The following ZNF385C variants were observed in gnomAD, a reference collection of about 807,000 sequenced individuals.
ZNF385C encodes the protein CTD-2132N18.2.
In ZNF385C, 28 loss-of-function variants were observed where a neutral mutation model predicts 35.4. The observed-to-expected ratio is 0.79, with a 90% CI of 0.59 to 1.08. ZNF385C has a LOEUF of 1.08. ZNF385C is among the 50% of genes least tolerant of loss of function. ZNF385C has a pLI of 0.00. For missense variants in ZNF385C, 605 were observed against 595.6 expected, an observed-to-expected ratio of 1.02 and a Z score of -0.16; for synonymous variants, 248 against 248.2, an observed-to-expected ratio of 1.00 and a Z score of 0.01.
Position 42,028,935 on chromosome 17 carries a change from T to C in ZNF385C, c.815A>G (p.Glu272Gly), listed in dbSNP as rs2052663878. ...AGGCCCCGGTGCCTCTCTCCCAGGC[T>C]CTGGGGAGCAAGGTGGGCAGGAGGA... ...SSSSCPPCSP[E>G]PGREAPGPEP... Residue 272 changes from glutamate to glycine, a missense_variant, in exon 6 of 9, where the codon GAG becomes GGG. Transcript: ENST00000692273. 1.3e-6 allele frequency: 2 copies of C among 1,550,534 alleles called. No individual in the cohort carries two copies.
At chr17:42,036,899 C>A (rs1244154659) in intron 3 of ZNF385C, among the ~76,000 whole-genome samples, 9 of 152,158 alleles carry the variant, frequency 5.9e-5, no homozygotes, top group African/African-American at 1.9e-4. Context: ...CCACCATCTG[C>A]TCAGGATGGG....
At chr17:42,073,446 G>A (rs1555659028) in intron 1 of ZNF385C, among the ~76,000 whole-genome samples, 1 of 151,774 alleles carries the variant, frequency 6.6e-6, no homozygotes, top group Non-Finnish European at 1.5e-5. Flanking sequence ...AAAAAAAAAA[G>A]GTTGTGGACC....
chr17:42,078,239 G>A (rs2053705893), intron 1 of ZNF385C, among the ~76,000 whole-genome samples: 1 of 152,072 alleles, frequency 6.6e-6, no homozygotes, highest in Admixed American at 6.5e-5. Context: ...CCCTGGCTGG[G>A]CTGATTTTCT....
At chr17:42,086,890 G>A (rs1172826250) in intron 1 of ZNF385C, among the ~76,000 whole-genome samples, 3 of 145,050 alleles carry the variant, frequency 2.1e-5, no homozygotes, top group African/African-American at 7.7e-5. Context: ...GTGCAGTGGC[G>A]TGATCTTGGC....
Position 42,037,778 on chromosome 17 carries a change from T to C in ZNF385C, c.358A>G (p.Asn120Asp). ...DFKHLLAFHF[N>D]GAAPLSLFPN... ...AAGAGACTGAGCGGGGCAGCGCCAT[T>C]GAAGTGGAAGGCGAGCAAGTGCTTG... The change falls in exon 3 of 9, where the codon AAT (asparagine) becomes GAT (aspartate). Residue 120 changes from asparagine to aspartate, a missense_variant. Transcript: ENST00000692273. 1 of 1,536,618 alleles carries C rather than the reference T, an allele frequency of 6.5e-7. No individual in the cohort carries two copies. The highest frequency in any genetic ancestry group is 8.8e-7 in the Non-Finnish European group (1 of 1,140,658).
chr17:42,046,571 G>T (rs1555656639), intron 2 of ZNF385C, among the ~76,000 whole-genome samples: 1 of 151,974 alleles, frequency 6.6e-6, no homozygotes, highest in East Asian at 1.9e-4. Flanking sequence ...CTGCACTCCA[G>T]CCTGGGAAAA....
In ZNF385C at chr17:42,029,955, G is replaced by C. The variant is rs782022473; in HGVS notation, c.677-882C>G. Among the ~76,000 whole-genome samples, 2 of 149,406 alleles carry C rather than the reference G, an allele frequency of 1.3e-5. 1 individual carries two copies. Among genetic ancestry groups the C allele is most frequent in the South Asian group, 4.3e-4 (2 of 4,688 alleles). On this transcript the variant is annotated intron_variant, in intron 5 of 8. Transcript: ENST00000692273. ...AGGCTGAGGCAGGAGAATCGCTTGA[G>C]AGCCAGGGAGGTGGATGAGCCTAGG...
intron 2 of ZNF385C, among the ~76,000 whole-genome samples, chr17:42,059,488 C>T (rs1423940998): frequency 2.6e-5 from 4 of 152,184 alleles, no homozygotes; most frequent in African/African-American, 9.7e-5. Flanking sequence ...CCCACGCCCC[C>T]GTTCTGACCC....
At chr17:42,083,707 CTT>C (rs59612634) in intron 1 of ZNF385C, among the ~76,000 whole-genome samples, 9 of 49,966 alleles carry the variant, frequency 1.8e-4, no homozygotes, top group African/African-American at 7.7e-4. Flanking sequence ...CTTTTCAAGT[CTT>C]TTTTTTTTTT....
At position 42,063,052 on chromosome 17, in the gene ZNF385C, T is replaced by C. The variant is rs1301977989; in HGVS notation, c.5A>G (p.Lys2Arg). The part of the protein sequence containing the change: M[K>R]RPLSPPPPAE... ...CGGTGGGGGTGGGCTCAGTGGCCGC[T>C]TCATATCTGAGTGGATAGAGAGGGA... Residue 2 changes from lysine to arginine, a missense_variant, in exon 2 of 9, where the codon AAG becomes AGG. Physicochemically the swap from Lys to Arg is conservative, Grantham distance 26. Transcript: ENST00000692273. 1.1e-5 allele frequency: 7 copies of C among 639,282 alleles called. No homozygotes were observed. Among genetic ancestry groups the C allele is most frequent in the South Asian group, 1.8e-5 (1 of 56,864 alleles). The allele number at this position is 639,282 out of a possible 1,614,324, so 39.6% of individuals were successfully genotyped here. A position where few individuals can be genotyped will look rare whatever the true frequency, so the allele number is the denominator to read the frequency against.
intron 1 of ZNF385C, among the ~76,000 whole-genome samples, chr17:42,089,270 C>G (rs888158290): frequency 6.6e-6 from 1 of 152,004 alleles, no homozygotes; most frequent in Non-Finnish European, 1.5e-5. Context: ...GAGCCGTGAT[C>G]ACACCACCAC....
intron 2 of ZNF385C, among the ~76,000 whole-genome samples, chr17:42,041,853 G>C (rs145573097): frequency 6.6e-4 from 101 of 152,258 alleles, no homozygotes; most frequent in Non-Finnish European, 1.1e-3. Context: ...GGGGCCATGT[G>C]AGTGATATTG....
chr17:42,038,564 G>A (rs1172238509), intron 2 of ZNF385C: 1 of 153,126 alleles, frequency 6.5e-6, no homozygotes, highest in African/African-American at 2.4e-5. Context: ...GGCAGGGGAG[G>A]GGTAGGAACT....
chr17:42,048,646 C>T (rs1233453548), intron 2 of ZNF385C, among the ~76,000 whole-genome samples: 5 of 152,172 alleles, frequency 3.3e-5, no homozygotes, highest in African/African-American at 7.2e-5. Flanking sequence ...CAGAAACCTG[C>T]CCTTCAATCC....
At chr17:42,092,820 G>A (rs537003802) in intron 1 of ZNF385C, among the ~76,000 whole-genome samples, 1 of 152,344 alleles carries the variant, frequency 6.6e-6, no homozygotes, top group East Asian at 1.9e-4. Context: ...GGGCTGGGGA[G>A]GGGGTCAGCT....
intron 4 of ZNF385C, among the ~76,000 whole-genome samples, chr17:42,032,697 A>G (rs2052757925): frequency 6.6e-6 from 1 of 151,288 alleles, no homozygotes; most frequent in Non-Finnish European, 1.5e-5. Flanking sequence ...CCTCCCTCAG[A>G]ACGAATTCTC....
chr17:42,056,582 C>T (rs2053379652), intron 2 of ZNF385C, among the ~76,000 whole-genome samples: 1 of 152,074 alleles, frequency 6.6e-6, no homozygotes, highest in African/African-American at 2.4e-5. Flanking sequence ...GGCAACATAG[C>T]AAGACCTTGT....
At chr17:42,072,857 C>T (rs781962940) in intron 1 of ZNF385C, among the ~76,000 whole-genome samples, 2 of 152,154 alleles carry the variant, frequency 1.3e-5, no homozygotes, top group African/African-American at 4.8e-5. Context: ...ATCCCGCCTA[C>T]CCCGGCTGAC....
In ZNF385C at chr17:42,028,916, C is replaced by T. The variant is rs782078036; in HGVS notation, c.834G>A (p.Pro278=). ...CGGCAGCTGCCGCTGGCTCAGGCCC[C>T]GGTGCCTCTCTCCCAGGCTCTGGGG... ...PCSPEPGREA[P]GPEPAAAAVG... is the part of the protein sequence containing the mutation. The change falls in exon 6 of 9, where the codon CCG becomes CCA. Residue 278 remains proline (P), a synonymous_variant. Coordinates refer to ENST00000692273, the MANE Select transcript of ZNF385C (RefSeq NM_001392013.1). 4.4e-5 allele frequency: 68 copies of T among 1,550,466 alleles called. No individual in the cohort carries two copies. The highest frequency in any genetic ancestry group is 3.9e-5 in the Admixed American group (2 of 50,984).
Sources: allele counts gnomAD v4.1 joint callset (sites outside exome capture counted in the v4.1 genomes callset), GRCh38; gene constraint gnomAD v4.1.1; transcripts MANE v1.5; gene names NCBI Gene and HGNC (gene_info 2026-07-23, HGNC 2026-07-21).